Variants in EIF4G3 observed in about 807,000 individuals in gnomAD.
EIF4G3 encodes eIF-4-gamma 3.
EIF4G3 carries 34 observed loss-of-function variants against 186.4 expected under a neutral mutation model. The observed-to-expected ratio is 0.18, with a 90% CI of 0.14 to 0.24. The LOEUF (loss-of-function observed/expected upper bound fraction) is 0.24, where lower values mean the gene tolerates loss of function less well. Ranked by LOEUF, EIF4G3 falls within the 10% of genes least tolerant of loss-of-function variation. The pLI is 1.00. For synonymous variants in EIF4G3, 673 were observed against 679.5 expected (o/e 0.99, Z 0.15); for missense variants, 1,536 against 1,948.5 (o/e 0.79, Z 3.99).
intron 2 of EIF4G3, among the ~76,000 whole-genome samples, chr1:21,113,003 T>C (rs1360690350): frequency 2.6e-5 from 4 of 151,914 alleles, no homozygotes; most frequent in African/African-American, 9.7e-5. Context: ...TATAAATATT[T>C]AGAAAAAGGG....
At chr1:20,912,549 C>T (rs760179904) in intron 14 of EIF4G3, among the ~76,000 whole-genome samples, 15 of 152,132 alleles carry the variant, frequency 9.9e-5, no homozygotes, top group Non-Finnish European at 1.6e-4. Context: ...AAAACTGAGA[C>T]TGCGAAGACT....
intron 4 of EIF4G3, among the ~76,000 whole-genome samples, chr1:21,016,088 G>A (rs1165936751): frequency 6.6e-6 from 1 of 152,080 alleles, no homozygotes; most frequent in African/African-American, 2.4e-5. Flanking sequence ...ACAGACAAAA[G>A]CATAAAAATC....
intron 2 of EIF4G3, among the ~76,000 whole-genome samples, chr1:21,127,920 G>A (rs1034155924): frequency 6.6e-6 from 1 of 152,128 alleles, no homozygotes; most frequent in Non-Finnish European, 1.5e-5. Flanking sequence ...AAAAGTTTCA[G>A]TGGGCAGGGC....
chr1:20,846,193 A>G (rs995868257), intron 29 of EIF4G3, among the ~76,000 whole-genome samples: 4 of 152,130 alleles, frequency 2.6e-5, no homozygotes, highest in Non-Finnish European at 5.9e-5. Flanking sequence ...TTGGGCTGAG[A>G]TGATGGGGTT....
chr1:20,844,080 A>G (rs759174289), intron 29 of EIF4G3, among the ~76,000 whole-genome samples: 8 of 152,138 alleles, frequency 5.3e-5, no homozygotes, highest in Non-Finnish European at 1.2e-4. Context: ...GGTTGATTGC[A>G]TGTTTTTGCT....
intron 14 of EIF4G3, among the ~76,000 whole-genome samples, chr1:20,935,645 A>C (rs1219416048): frequency 6.6e-6 from 1 of 152,214 alleles, no homozygotes; most frequent in African/African-American, 2.4e-5. Context: ...TGACCAAATC[A>C]GGGTTATTGG....
intron 29 of EIF4G3, among the ~76,000 whole-genome samples, chr1:20,842,370 T>C (rs960159813): frequency 1.2e-4 from 18 of 152,186 alleles, no homozygotes; most frequent in African/African-American, 4.1e-4. Flanking sequence ...TGTAAAATGG[T>C]TTCTTTTTTC....
intron 14 of EIF4G3, among the ~76,000 whole-genome samples, chr1:20,907,692 T>A (rs1305324168): frequency 6.6e-6 from 1 of 152,100 alleles, no homozygotes; most frequent in African/African-American, 2.4e-5. Flanking sequence ...TGGTTTCCAG[T>A]TTCATCCATG....
chr1:20,998,324 T>A (rs1472670152), intron 6 of EIF4G3, among the ~76,000 whole-genome samples: 2 of 151,912 alleles, frequency 1.3e-5, no homozygotes, highest in African/African-American at 4.8e-5. Flanking sequence ...GTAAAGAACA[T>A]CAGTCTCTAA....
At chr1:21,147,893 C>G (rs2097479287) in intron 2 of EIF4G3, among the ~76,000 whole-genome samples, 1 of 152,058 alleles carries the variant, frequency 6.6e-6, no homozygotes, top group African/African-American at 2.4e-5. Context: ...TCAATAAAAA[C>G]AATTTAAAAA....
At chr1:21,148,950 G>A (rs1445440071) in intron 2 of EIF4G3, among the ~76,000 whole-genome samples, 1 of 151,900 alleles carries the variant, frequency 6.6e-6, no homozygotes, top group African/African-American at 2.4e-5. Context: ...GACTATACTG[G>A]CCAGGTAGGG....
chr1:20,948,652 T>A (rs896436987), intron 13 of EIF4G3, among the ~76,000 whole-genome samples: 1 of 152,180 alleles, frequency 6.6e-6, no homozygotes, highest in African/African-American at 2.4e-5. Flanking sequence ...ACTTGCAGTC[T>A]ACCCAAAAAC....
chr1:21,166,411 C>T (rs924131271), intron 2 of EIF4G3, among the ~76,000 whole-genome samples: 1 of 152,072 alleles, frequency 6.6e-6, no homozygotes, highest in African/African-American at 2.4e-5. Flanking sequence ...GCCTGAAAGA[C>T]ACAGCCAGAC....
chr1:20,924,165 CTAATTTA>C (rs1211372624), intron 14 of EIF4G3, among the ~76,000 whole-genome samples: 4 of 152,188 alleles, frequency 2.6e-5, no homozygotes, highest in African/African-American at 9.6e-5. Flanking sequence ...AAAGGGTATT[CTAATTTA>C]TAACTCATTT....
intron 4 of EIF4G3, among the ~76,000 whole-genome samples, chr1:21,010,127 T>C (rs1052036123): frequency 5.9e-5 from 9 of 152,160 alleles, no homozygotes; most frequent in African/African-American, 1.9e-4. Flanking sequence ...AAATGAATTT[T>C]ATTCAATTTA....
chr1:20,847,644 T>C (rs1021432673), intron 29 of EIF4G3, among the ~76,000 whole-genome samples: 1 of 152,220 alleles, frequency 6.6e-6, no homozygotes, highest in African/African-American at 2.4e-5. Flanking sequence ...ATTTCCCTAC[T>C]TCCATGCAAG....
At position 21,119,320 on chromosome 1, in the gene EIF4G3, A is replaced by AG. The variant is rs1450752360; in HGVS notation, c.-271-30108dup. On this transcript the variant is annotated intron_variant, in intron 2 of 36. Coordinates refer to ENST00000602326, the MANE Select transcript of EIF4G3 (RefSeq NM_001391906.1). ...TGAAATGAATGTCTGACTAAATAAA[A>AG]GGGGAAAAAAAAAAGACTTGAGAAA... is the stretch of plus-strand genomic sequence containing the variant. Among the ~76,000 whole-genome samples, 7 of 152,162 alleles carry AG rather than the reference A, an allele frequency of 4.6e-5. 1 individual carries two copies. The highest frequency in any genetic ancestry group is 2.6e-4 in the Admixed American group (4 of 15,262).
chr1:20,946,983 T>C (rs1253176503), intron 13 of EIF4G3, among the ~76,000 whole-genome samples: 2 of 152,134 alleles, frequency 1.3e-5, no homozygotes, highest in African/African-American at 4.8e-5. Flanking sequence ...CTGGGAGTAA[T>C]ATAACAATCT....
At chr1:20,876,896 C>CT (rs1389617050) in intron 20 of EIF4G3, among the ~76,000 whole-genome samples, 4 of 152,084 alleles carry the variant, frequency 2.6e-5, no homozygotes, top group African/African-American at 9.7e-5. Flanking sequence ...AGGAGGACTG[C>CT]TTGAGCCCAG....
Sources: gnomAD v4.1 joint callset for allele counts (sites outside exome capture counted in the v4.1 genomes callset) on GRCh38, gnomAD v4.1.1 for gene constraint, MANE v1.5 for transcripts, NCBI Gene and HGNC (gene_info 2026-07-23, HGNC 2026-07-21) for gene names.